The following PRKAR1B variants were observed in gnomAD, a reference collection of about 807,000 sequenced individuals.
PRKAR1B encodes the protein protein kinase cAMP-dependent type I regulatory subunit beta, also known as cAMP-dependent protein kinase type I-beta regulatory subunit.
PRKAR1B carries 22 observed loss-of-function variants against 46.5 expected under a neutral mutation model. That is an observed-to-expected ratio of 0.47 (90% CI 0.34 to 0.68). PRKAR1B has a LOEUF of 0.68. Ranked by LOEUF, PRKAR1B falls within the 30% of genes least tolerant of loss-of-function variation. The probability of loss-of-function intolerance (pLI) is 0.01; values close to 1 mark genes in which losing one functional copy is unlikely to be tolerated. For missense variants in PRKAR1B, 445 were observed against 535.6 expected (o/e 0.83, Z 1.67); for synonymous variants, 259 against 217.7 (o/e 1.19, Z -1.67).
intron 4 of PRKAR1B, among the ~76,000 whole-genome samples, chr7:639,360 G>A (rs749457907): frequency 6.6e-6 from 1 of 152,176 alleles, no homozygotes; most frequent in East Asian, 1.9e-4. Flanking sequence ...AACAAATCGT[G>A]CTGGGACAAC....
At chr7:696,001 C>G (rs1314602162) in intron 2 of PRKAR1B, among the ~76,000 whole-genome samples, 6 of 109,214 alleles carry the variant, frequency 5.5e-5, no homozygotes, top group South Asian at 3.2e-4. Flanking sequence ...TAGGGTCTTT[C>G]TCTGTCACCC....
chr7:685,361 TATACACATATATATATATAC>T lies in PRKAR1B; in HGVS notation c.178-4655_178-4636del, dbSNP rs1238698694. Among the ~76,000 whole-genome samples the T allele has an allele frequency of 1.1e-4, 6 of 55,056 alleles. 2 individuals carry two copies. Among genetic ancestry groups the T allele is most frequent in the Admixed American group, 4.9e-4 (2 of 4,066 alleles). The allele number at this position is 55,056 out of a possible 152,430, so 36.1% of individuals were successfully genotyped here. A position where few individuals can be genotyped will look rare whatever the true frequency, so the allele number is the denominator to read the frequency against. ...ACGTATATATATGTATACATATATA[TATACACATATATATATATAC>T]ATACATATATATATATATATGTATA... On this transcript the variant is annotated intron_variant, in intron 2 of 10. Transcript: ENST00000537384.
In PRKAR1B at chr7:646,904, C is replaced by T. The variant is rs537407782; in HGVS notation, c.440+30325G>A. ...AGCTCACACCCGGCAGGATCACAGG[C>T]GAAGGGCCCTGGGCTGAGGGCGGCA... On this transcript the variant is annotated intron_variant, in intron 4 of 10. Coordinates refer to ENST00000537384, the MANE Select transcript of PRKAR1B (RefSeq NM_001164760.2). Among the ~76,000 whole-genome samples, 24 of 152,328 alleles carry T rather than the reference C, an allele frequency of 1.6e-4. No homozygotes were observed. In the South Asian group the frequency reaches 2.9e-3, roughly 18 times the overall value.
chr7:590,123 G>A (rs1404165209), intron 7 of PRKAR1B, among the ~76,000 whole-genome samples: 1 of 152,232 alleles, frequency 6.6e-6, no homozygotes, highest in Non-Finnish European at 1.5e-5. Context: ...AAGACAGAGG[G>A]GGCTCTGGCA....
chr7:692,765 G>A lies in PRKAR1B; in HGVS notation c.178-12039C>T, dbSNP rs117771406. Among the ~76,000 whole-genome samples the A allele has an allele frequency of 3.4e-3, 520 of 152,232 alleles. 1 individual carries two copies. The highest frequency in any genetic ancestry group is 5.9e-3 in the Non-Finnish European group (403 of 68,006). On this transcript the variant is annotated intron_variant, in intron 2 of 10. Transcript: ENST00000537384. ...GGAGGCAGGAACACAGCCGGAGACC[G>A]ACCCGGGCACTCAACGCACGTTCAG... is the stretch of plus-strand genomic sequence containing the variant.
chr7:708,918 G>A (rs1407867516), intron 2 of PRKAR1B, among the ~76,000 whole-genome samples: 4 of 150,964 alleles, frequency 2.6e-5, no homozygotes, highest in Non-Finnish European at 5.9e-5. Context: ...TCAGCCTCCT[G>A]AGTAGCTGGG....
intron 1 of PRKAR1B, among the ~76,000 whole-genome samples, chr7:717,615 G>A (rs776220510): frequency 1.6e-4 from 25 of 152,080 alleles, no homozygotes; most frequent in African/African-American, 5.6e-4. Context: ...CTATGATTGC[G>A]CCACTGCACT....
intron 4 of PRKAR1B, 118 bp from the exon 5 acceptor site, chr7:607,570 A>C: frequency 1.1e-6 from 1 of 909,744 alleles, no homozygotes; most frequent in Non-Finnish European, 1.8e-6. Flanking sequence ...GAAAATGAGA[A>C]AATCCATGAG....
intron 9 of PRKAR1B, among the ~76,000 whole-genome samples, chr7:569,609 G>C (rs1779383063): frequency 6.6e-6 from 1 of 152,234 alleles, no homozygotes; most frequent in African/African-American, 2.4e-5. Context: ...TGCAACAAGA[G>C]GGATGTGGGT....
chr7:665,200 A>G (rs73254293), intron 4 of PRKAR1B, among the ~76,000 whole-genome samples: 4,085 of 152,180 alleles, frequency 0.027, 211 homozygotes, highest in African/African-American at 0.094. Context: ...GTGGAAAATG[A>G]CTGTTCTCTT....
In PRKAR1B at chr7:579,760, A is replaced by T. The variant is rs142329007; in HGVS notation, c.770-383T>A. The stretch of plus-strand genomic sequence containing the variant: ...TAGAGCTGCTTACATTTTTGCAAAC[A>T]ATGGAGTCCCAGCTAAGCACAAAGC... On this transcript the variant is annotated intron_variant, in intron 8 of 10. Transcript: ENST00000537384. Among the ~76,000 whole-genome samples the T allele has an allele frequency of 5.4e-3, 817 of 152,354 alleles. 10 individuals are homozygous for T. The highest frequency in any genetic ancestry group is 0.019 in the African/African-American group (771 of 41,590).
chr7:600,314 G>T (rs1295041840), intron 6 of PRKAR1B, among the ~76,000 whole-genome samples: 1 of 152,104 alleles, frequency 6.6e-6, no homozygotes, highest in Non-Finnish European at 1.5e-5. Flanking sequence ...AGACCAGCCT[G>T]GGCAACACAG....
chr7:666,395 G>A lies in PRKAR1B; in HGVS notation c.440+10834C>T, dbSNP rs1785932148. Among the ~76,000 whole-genome samples, 3 of 152,192 alleles carry A rather than the reference G, an allele frequency of 2.0e-5. No homozygotes were observed. On this transcript the variant is annotated intron_variant, in intron 4 of 10. Coordinates refer to ENST00000537384, the MANE Select transcript of PRKAR1B (RefSeq NM_001164760.2). The surrounding 1 kb of genome is among the most constrained non-coding windows in gnomAD (Gnocchi z 4.9). ...TGAGGCTGCTGAGGTCCCTGGCCGA[G>A]GCGTAACTGCCCCGGGCACCCCAGG...
At chr7:557,888 G>A (rs534680559) in intron 9 of PRKAR1B, among the ~76,000 whole-genome samples, 6 of 152,190 alleles carry the variant, frequency 3.9e-5, no homozygotes, top group South Asian at 2.1e-4. Flanking sequence ...ATTCTAACCC[G>A]ACTCTAAAAA....
At chr7:595,817 T>C (rs1324380243) in intron 7 of PRKAR1B, among the ~76,000 whole-genome samples, 1 of 152,164 alleles carries the variant, frequency 6.6e-6, no homozygotes, top group Non-Finnish European at 1.5e-5. Context: ...CTCACACCTC[T>C]TTGCTCCATC....
At chr7:689,282 C>T (rs993487517) in intron 2 of PRKAR1B, among the ~76,000 whole-genome samples, 11 of 151,446 alleles carry the variant, frequency 7.3e-5, no homozygotes, top group African/African-American at 1.5e-4. Flanking sequence ...CCACCACACC[C>T]GGCTAATTTT....
chr7:553,726 C>T (rs878921165), intron 9 of PRKAR1B, among the ~76,000 whole-genome samples: 2 of 146,350 alleles, frequency 1.4e-5, no homozygotes, highest in South Asian at 2.1e-4. Flanking sequence ...TAACTCCCCA[C>T]CTCATCAGTC....
At chr7:726,590 G>A (rs973349349) in intron 1 of PRKAR1B, 16 of 620,574 alleles carry the variant, frequency 2.6e-5, no homozygotes, top group Admixed American at 4.6e-5. Context: ...AAGAGCACAG[G>A]CCCACGTGCG....
intron 2 of PRKAR1B, among the ~76,000 whole-genome samples, chr7:689,709 T>A (rs1779303559): frequency 4.0e-5 from 6 of 151,286 alleles, no homozygotes; most frequent in Admixed American, 3.9e-4. Flanking sequence ...AGACAGAGTA[T>A]CGTTCTGTTG....
Sources: gnomAD v4.1 joint callset for allele counts (sites outside exome capture counted in the v4.1 genomes callset) on GRCh38, gnomAD v4.1.1 for gene constraint, Gnocchi (gnomAD v3.1) non-coding constraint, MANE v1.5 for transcripts, NCBI Gene and HGNC (gene_info 2026-07-23, HGNC 2026-07-21) for gene names.